The following GABRR1 variants were observed in gnomAD, a reference collection of about 807,000 sequenced individuals.
The protein encoded by GABRR1 is gamma-aminobutyric acid type A receptor subunit rho1.
A neutral mutation model predicts 55.5 loss-of-function variants in GABRR1; 59 were observed. The observed-to-expected ratio is 1.06, with a 90% CI of 0.86 to 1.32. The LOEUF (loss-of-function observed/expected upper bound fraction) is 1.32, where lower values mean the gene tolerates loss of function less well. GABRR1 is among the 40% of genes most tolerant of loss of function. The pLI is 0.00. For missense variants in GABRR1, 602 were observed against 619.1 expected, an observed-to-expected ratio of 0.97 and a Z score of 0.29; for synonymous variants, 213 against 226.0, an observed-to-expected ratio of 0.94 and a Z score of 0.51.
intron 5 of GABRR1, among the ~76,000 whole-genome samples, chr6:89,191,636 A>T (rs757282410): frequency 1.1e-4 from 16 of 151,698 alleles, no homozygotes; most frequent in Non-Finnish European, 1.8e-4. Context: ...TGATGTAATC[A>T]AAGCTCATGT....
chr6:89,220,464 C>G (rs1034000485), upstream of GABRR1, among the ~76,000 whole-genome samples: 10 of 152,214 alleles, frequency 6.6e-5, no homozygotes, highest in Non-Finnish European at 1.0e-4. Context: ...AACCATGCAT[C>G]CCTCTTACTG....
At chr6:89,195,704 T>G (rs1268693362) in intron 5 of GABRR1, among the ~76,000 whole-genome samples, 3 of 152,222 alleles carry the variant, frequency 2.0e-5, no homozygotes, top group African/African-American at 7.2e-5. Flanking sequence ...AAAATACTCA[T>G]CAATTCCTAA....
chr6:89,197,163 C>T (rs1772321497), intron 5 of GABRR1, among the ~76,000 whole-genome samples: 1 of 152,222 alleles, frequency 6.6e-6, no homozygotes, highest in Admixed American at 6.5e-5. Context: ...ACATTGCAAT[C>T]TCTGACTCCA....
intron 7 of GABRR1, among the ~76,000 whole-genome samples, chr6:89,182,953 A>G (rs747551149): frequency 6.6e-6 from 1 of 152,002 alleles, no homozygotes; most frequent in Non-Finnish European, 1.5e-5. Context: ...TTTGAGAAGC[A>G]CTGATTTAAA....
At chr6:89,219,488 T>C (rs746450332), upstream of GABRR1, among the ~76,000 whole-genome samples, 10 of 152,276 alleles carry the variant, frequency 6.6e-5, no homozygotes, top group Non-Finnish European at 1.5e-4. Context: ...TTTAGAATTA[T>C]ATATAATAAC....
intron 6 of GABRR1, among the ~76,000 whole-genome samples, chr6:89,187,607 C>T (rs1313749129): frequency 6.6e-6 from 1 of 152,168 alleles, no homozygotes; most frequent in Non-Finnish European, 1.5e-5. Flanking sequence ...ACCCATTTAA[C>T]AATAACGCCT....
At chr6:89,213,619 T>C (rs1247682331) in intron 1 of GABRR1, among the ~76,000 whole-genome samples, 1 of 152,226 alleles carries the variant, frequency 6.6e-6, no homozygotes, top group East Asian at 1.9e-4. Flanking sequence ...AACACTTAAA[T>C]GGTGGCACAC....
chr6:89,185,560 G>C (rs1771878065), intron 6 of GABRR1, 110 bp from the exon 7 acceptor site: 4 of 914,390 alleles, frequency 4.4e-6, no homozygotes, highest in Non-Finnish European at 6.8e-6. Context: ...CTGGGATTGT[G>C]ATATGATAGT....
chr6:89,180,526 CT>C, intron 8 of GABRR1, 38 bp from the exon 9 acceptor site: 1 of 1,603,210 alleles, frequency 6.2e-7, no homozygotes, highest in Non-Finnish European at 8.5e-7. Flanking sequence ...GTTTGCTTGT[CT>C]TTCACCAAAC....
intron 1 of GABRR1, among the ~76,000 whole-genome samples, chr6:89,203,928 G>C (rs768674472): frequency 6.6e-6 from 1 of 152,248 alleles, no homozygotes; most frequent in African/African-American, 2.4e-5. Flanking sequence ...CAGGAGATGA[G>C]AGAGGAGGAG....
intron 6 of GABRR1, 105 bp from the exon 7 acceptor site, chr6:89,185,555 AT>A: frequency 2.1e-6 from 2 of 951,736 alleles, no homozygotes; most frequent in Non-Finnish European, 3.3e-6. Context: ...GACTACTGGG[AT>A]TGTGATATGA....
At chr6:89,189,692 G>C (rs552465301) in intron 6 of GABRR1, among the ~76,000 whole-genome samples, 5 of 151,968 alleles carry the variant, frequency 3.3e-5, no homozygotes, top group Admixed American at 2.6e-4. Flanking sequence ...TTATGGCAAT[G>C]AAGGTTTTAG....
chr6:89,187,203 TGG>T (rs111885010), intron 6 of GABRR1, among the ~76,000 whole-genome samples: 7,755 of 150,864 alleles, frequency 0.051, 653 homozygotes, highest in African/African-American at 0.18. Context: ...GCCTGGTTTC[TGG>T]GGGGTGTGTG....
chr6:89,215,563 G>A (rs1181723625), intron 1 of GABRR1, among the ~76,000 whole-genome samples: 1 of 152,196 alleles, frequency 6.6e-6, no homozygotes, highest in South Asian at 2.1e-4. Context: ...TGGCCAAGAA[G>A]TAGTTTCAGT....
At position 89,225,333 on chromosome 6, in the gene GABRR1, A is replaced by C. The variant is rs554701450; in HGVS notation, c.-410-3887T>G. On this transcript the variant is annotated intron_variant, in intron 1 of 11. Transcript: ENST00000369451. ...CATTGTGCAGGTTAGTTACATATGT[A>C]TACATGTGCCATGCTGGTGCGCTGC... Among the ~76,000 whole-genome samples, 6 of 143,562 alleles carry C rather than the reference A, an allele frequency of 4.2e-5. No individual in the cohort carries two copies. In the East Asian group the frequency reaches 1.2e-3, roughly 29 times the overall value. 94.2% of individuals were successfully genotyped at this position (143,562 alleles called of 152,430 possible).
upstream of GABRR1, among the ~76,000 whole-genome samples, chr6:89,220,727 CT>C (rs963716207): frequency 1.0e-4 from 15 of 147,864 alleles, no homozygotes; most frequent in East Asian, 4.0e-4. Flanking sequence ...TTTAAAAATG[CT>C]TTTTTTTTTG....
In GABRR1 at chr6:89,199,338, G is replaced by A. The variant is rs1267272156; in HGVS notation, c.348+24C>T. The A allele has an allele frequency of 8.7e-6, 14 of 1,610,542 alleles. No homozygotes were observed. In the Admixed American group the frequency reaches 1.0e-4, roughly 12 times the overall value. ...CCGGCTTTGTGAATCCCCCTGCCACGGCCCTGGTCAGAGAAGCACTTACCA... is the reference window on the plus strand; with the variant it reads ...CCGGCTTTGTGAATCCCCCTGCCACAGCCCTGGTCAGAGAAGCACTTACCA... On this transcript the variant is annotated intron_variant, in intron 4 of 9. Coordinates refer to ENST00000454853, the MANE Select transcript of GABRR1 (RefSeq NM_002042.5).
chr6:89,223,484 G>A (rs12195422), intron 1 of GABRR1, among the ~76,000 whole-genome samples: 54,356 of 152,018 alleles, frequency 0.36, 10,253 homozygotes, highest in African/African-American at 0.45. Context: ...CATTTTTGCA[G>A]CTGGTAATTG....
chr6:89,187,741 C>T (rs1771954791), intron 6 of GABRR1, among the ~76,000 whole-genome samples: 1 of 152,206 alleles, frequency 6.6e-6, no homozygotes, highest in Admixed American at 6.6e-5. Context: ...TTGCGATTGG[C>T]TGATTTCACT....
Sources: allele counts gnomAD v4.1 joint callset (sites outside exome capture counted in the v4.1 genomes callset), GRCh38; gene constraint gnomAD v4.1.1; transcripts MANE v1.5; gene names NCBI Gene and HGNC (gene_info 2026-07-23, HGNC 2026-07-21).